FBRSL1: variants seen among roughly 807,000 people sequenced by gnomAD.
The protein encoded by FBRSL1 is fibrosin-1-like protein.
In FBRSL1, 51 loss-of-function variants were observed where a neutral mutation model predicts 89.6. The ratio of observed to expected loss-of-function variants is 0.57; its 90% CI spans 0.45 to 0.72. The LOEUF (loss-of-function observed/expected upper bound fraction) is 0.72. Among genes scored for constraint, FBRSL1 ranks in the 30% least tolerant of loss-of-function variants. The pLI is 0.00. For missense variants in FBRSL1, 1,618 were observed against 1,451.8 expected (o/e 1.11, Z -1.86); for synonymous variants, 779 against 681.1 (o/e 1.14, Z -2.24).
chr12:132,563,569 T>C (rs7313196), intron 5 of FBRSL1, among the ~76,000 whole-genome samples: 4,490 of 152,264 alleles, frequency 0.029, 237 homozygotes, highest in African/African-American at 0.1. Context: ...CCTGTCCGTC[T>C]GTCCCAGCAT....
chr12:132,554,716 AG>A (rs2038468953), intron 5 of FBRSL1: 3 of 151,646 alleles, frequency 2.0e-5, no homozygotes, highest in Admixed American at 1.3e-4. Context: ...TAGGAGGCCA[AG>A]CGGGTGGATC....
chr12:132,548,169 G>A lies in FBRSL1; in HGVS notation c.645+137G>A, dbSNP rs540404942. On this transcript the variant is annotated intron_variant, in intron 5 of 18. Transcript: ENST00000680143. ...GATCCCCCCGCCCGGTGGGTGCAGG[G>A]GGCTTGTGGCCTCCCAGGTATGGGG... 3.0e-5 allele frequency: 31 copies of A among 1,033,026 alleles called. No individual in the cohort carries two copies. The South Asian group carries it at 4.8e-4, about 16-fold the overall frequency. The allele number at this position is 1,033,026 out of a possible 1,614,324, so 64.0% of individuals were successfully genotyped here.
In FBRSL1 at chr12:132,543,040, G is replaced by C. The variant is rs545887125; in HGVS notation, c.616-4963G>C. Among the ~76,000 whole-genome samples the C allele has an allele frequency of 2.0e-5, 3 of 152,324 alleles. No homozygotes were observed. The South Asian group carries it at 6.2e-4, about 32-fold the overall frequency. On this transcript the variant is annotated intron_variant, in intron 4 of 18. Transcript: ENST00000680143. ...GCCAAGCCCCCTCCAGGCTCTTCGG[G>C]TAGCAAGGGTGCACTGCCTGGCTGT...
intron 1 of FBRSL1, among the ~76,000 whole-genome samples, chr12:132,500,129 G>A (rs1270584354): frequency 1.3e-5 from 2 of 152,170 alleles, no homozygotes; most frequent in Non-Finnish European, 2.9e-5. Flanking sequence ...GACTCTGCGG[G>A]AGCCATCAAG....
At chr12:132,558,958 C>T (rs1427119719) in intron 5 of FBRSL1, among the ~76,000 whole-genome samples, 1 of 152,276 alleles carries the variant, frequency 6.6e-6, no homozygotes, top group Non-Finnish European at 1.5e-5. Flanking sequence ...GGGTCCAGAG[C>T]TGCGCCCTCC....
At chr12:132,510,634 G>C (rs2034225730) in intron 2 of FBRSL1, 1 of 1,230,362 alleles carries the variant, frequency 8.1e-7, no homozygotes, top group Middle Eastern at 3.1e-4. Flanking sequence ...CCAGAGGCGG[G>C]AGCCCCTACA....
intron 2 of FBRSL1, among the ~76,000 whole-genome samples, chr12:132,521,531 G>A (rs982029004): frequency 9.9e-5 from 15 of 152,162 alleles, no homozygotes; most frequent in Admixed American, 2.6e-4. Flanking sequence ...GGCAGCCCCC[G>A]ACTCTCACCC....
intron 15 of FBRSL1, among the ~76,000 whole-genome samples, chr12:132,578,551 A>G (rs2040534241): frequency 6.6e-6 from 1 of 152,070 alleles, no homozygotes; most frequent in Non-Finnish European, 1.5e-5. Flanking sequence ...CATGTTGTTC[A>G]AGGGTCAGCT....
chr12:132,496,405 G>C (rs946614871), intron 1 of FBRSL1, among the ~76,000 whole-genome samples: 5 of 152,322 alleles, frequency 3.3e-5, no homozygotes, highest in South Asian at 2.1e-4. Context: ...GTTCCCTGCC[G>C]AGGGGCCCGT....
intron 5 of FBRSL1, among the ~76,000 whole-genome samples, chr12:132,562,998 GCCTGCACCCCACACCTGGCCCCC>G: frequency 1.0e-5 from 1 of 96,926 alleles, no homozygotes; most frequent in Admixed American, 1.3e-4. Flanking sequence ...GGCCCCCACA[GCCTGCACCCCACACCTGGCCCCC>G]ACAGCCTGCA....
At chr12:132,564,871 C>T (rs1411600063) in intron 5 of FBRSL1, among the ~76,000 whole-genome samples, 1 of 151,952 alleles carries the variant, frequency 6.6e-6, no homozygotes, top group Non-Finnish European at 1.5e-5. Context: ...CCTCGTGATC[C>T]GCCGGCCTCG....
intron 4 of FBRSL1, among the ~76,000 whole-genome samples, chr12:132,528,749 G>A (rs1262563474): frequency 1.3e-5 from 2 of 151,736 alleles, no homozygotes; most frequent in African/African-American, 4.8e-5. Context: ...GTGGGTGCAC[G>A]GGTGTGTTTC....
At chr12:132,491,393 C>T (rs12314600) in intron 1 of FBRSL1, among the ~76,000 whole-genome samples, 29,635 of 152,228 alleles carry the variant, frequency 0.19, 3,134 homozygotes, top group Middle Eastern at 0.29. Flanking sequence ...GCTTGTCTGG[C>T]TGACGGACAG....
At chr12:132,502,769 GC>G (rs1298878151) in intron 1 of FBRSL1, among the ~76,000 whole-genome samples, 1 of 12,554 alleles carries the variant, frequency 8.0e-5, no homozygotes, top group Non-Finnish European at 1.6e-4. Flanking sequence ...TCCTGTCCCC[GC>G]CCCCTACCGT....
intron 5 of FBRSL1, among the ~76,000 whole-genome samples, chr12:132,555,545 G>A (rs946422593): frequency 2.4e-4 from 37 of 151,524 alleles, no homozygotes; most frequent in African/African-American, 7.3e-4. Context: ...TGGGGGCCAC[G>A]GTAGCCGCCT....
chr12:132,581,921 T>A, intron 17 of FBRSL1, 97 bp downstream of exon 17: 1 of 1,282,268 alleles, frequency 7.8e-7, no homozygotes, highest in South Asian at 1.4e-5. Flanking sequence ...CTGACCTCCC[T>A]CCTCTCTGGG....
intron 4 of FBRSL1, among the ~76,000 whole-genome samples, chr12:132,543,119 AGTG>A (rs2037404585): frequency 6.6e-6 from 1 of 152,084 alleles, no homozygotes; most frequent in African/African-American, 2.4e-5. Context: ...GGTTGGTGGC[AGTG>A]GTGGTGACAG....
At chr12:132,532,914 G>A (rs1410598496) in intron 4 of FBRSL1, among the ~76,000 whole-genome samples, 1 of 152,206 alleles carries the variant, frequency 6.6e-6, no homozygotes, top group Non-Finnish European at 1.5e-5. Context: ...ACCAGCCGCT[G>A]GGGTCCCGCT....
chr12:132,512,460 C>A (rs1353219224), intron 2 of FBRSL1, among the ~76,000 whole-genome samples: 2 of 152,252 alleles, frequency 1.3e-5, no homozygotes, highest in Non-Finnish European at 2.9e-5. Context: ...GGACCTGGCA[C>A]ACTTGGGGTG....
Sources: gnomAD v4.1 joint callset for allele counts (sites outside exome capture counted in the v4.1 genomes callset) on GRCh38, gnomAD v4.1.1 for gene constraint, MANE v1.5 for transcripts, NCBI Gene and HGNC (gene_info 2026-07-23, HGNC 2026-07-21) for gene names.